FOXO3: variants seen among roughly 807,000 people sequenced by gnomAD.
The protein encoded by FOXO3 is forkhead box protein O3.
In FOXO3, 4 loss-of-function variants were observed where a neutral mutation model predicts 41.9. That is an observed-to-expected ratio of 0.10 (90% CI 0.05 to 0.22). The LOEUF is 0.22. Ranked by LOEUF, FOXO3 falls within the 10% of genes least tolerant of loss-of-function variation. The probability of loss-of-function intolerance (pLI) is 1.00; values close to 1 mark genes in which losing one functional copy is unlikely to be tolerated. For missense variants in FOXO3, 534 were observed against 906.8 expected, an observed-to-expected ratio of 0.59 and a Z score of 5.28; for synonymous variants, 318 against 389.3, an observed-to-expected ratio of 0.82 and a Z score of 2.16.
chr6:108,596,161 C>G (rs1471971320), intron 1 of FOXO3, among the ~76,000 whole-genome samples: 2 of 152,024 alleles, frequency 1.3e-5, no homozygotes, highest in Admixed American at 6.6e-5. Flanking sequence ...TCTTCCCCAT[C>G]CTATTATCCC....
At chr6:108,612,021 A>G (rs1777379359) in intron 1 of FOXO3, among the ~76,000 whole-genome samples, 1 of 152,082 alleles carries the variant, frequency 6.6e-6, no homozygotes, top group Non-Finnish European at 1.5e-5. Flanking sequence ...CTAATACTAC[A>G]TTGGTCTTTA....
rs141627417 is a variant in FOXO3, at chr6:108,670,885, G to A, written c.*34+5996G>A. 9.3e-3 allele frequency among the ~76,000 whole-genome samples: 1,409 copies of A among 152,310 alleles called. 12 individuals are homozygous for A. The highest frequency in any genetic ancestry group is 0.02 in the Middle Eastern group (6 of 294). On this transcript the variant is annotated intron_variant, in intron 2 of 2. Transcript: ENST00000406360. ...AGCTGCCCGGCAAAGTGGTAGGCCC[G>A]TGTTGGTAGAAGTGCTCAAGAAAGG...
intron 1 of FOXO3, among the ~76,000 whole-genome samples, chr6:108,607,165 AT>A (rs1777227761): frequency 6.6e-6 from 1 of 151,364 alleles, no homozygotes; most frequent in South Asian, 2.1e-4. Context: ...GAAGAATAAT[AT>A]TTCAGCTGGG....
At chr6:108,616,061 C>T (rs985376315) in intron 1 of FOXO3, among the ~76,000 whole-genome samples, 1 of 150,614 alleles carries the variant, frequency 6.6e-6, no homozygotes, top group African/African-American at 2.4e-5. Flanking sequence ...AATCTTGGCT[C>T]ATTGCAACCT....
chr6:108,642,898 G>A (rs1012699995), intron 1 of FOXO3, among the ~76,000 whole-genome samples: 1 of 152,294 alleles, frequency 6.6e-6, no homozygotes, highest in East Asian at 1.9e-4. Context: ...TAGTGGTTCC[G>A]TAAAGCTAAT....
chr6:108,577,253 A>T (rs1029036926), intron 1 of FOXO3, among the ~76,000 whole-genome samples: 1 of 151,964 alleles, frequency 6.6e-6, no homozygotes, highest in African/African-American at 2.4e-5. Context: ...TGTTCTTTGG[A>T]CTGTTACCAA....
At chr6:108,670,455 C>G (rs1779186373) in intron 2 of FOXO3, among the ~76,000 whole-genome samples, 1 of 151,120 alleles carries the variant, frequency 6.6e-6, no homozygotes, top group African/African-American at 2.4e-5. Context: ...ACTAGATCCT[C>G]AAGATAGTCA....
intron 1 of FOXO3, among the ~76,000 whole-genome samples, chr6:108,581,513 G>A (rs1464032783): frequency 6.6e-6 from 1 of 152,116 alleles, no homozygotes; most frequent in Non-Finnish European, 1.5e-5. Context: ...TCATTAATGA[G>A]CCTGCTTTAT....
chr6:108,568,582 A>G (rs1193262189), intron 1 of FOXO3, among the ~76,000 whole-genome samples: 1 of 152,194 alleles, frequency 6.6e-6, no homozygotes, highest in South Asian at 2.1e-4. Context: ...TGCCAGACAA[A>G]TAAGTGTTTC....
chr6:108,586,936 ATAT>A (rs143546022), intron 1 of FOXO3, among the ~76,000 whole-genome samples: 26,552 of 133,240 alleles, frequency 0.2, 2,824 homozygotes, highest in Middle Eastern at 0.28. Flanking sequence ...CTGAACGTAA[ATAT>A]TATTATTATT....
At chr6:108,587,985 G>A (rs954488592) in intron 1 of FOXO3, among the ~76,000 whole-genome samples, 10 of 152,132 alleles carry the variant, frequency 6.6e-5, no homozygotes, top group Non-Finnish European at 7.3e-5. Flanking sequence ...TCTGTGTAGC[G>A]TCCTTCCTAA....
chr6:108,576,709 A>G (rs1194670999), intron 1 of FOXO3, among the ~76,000 whole-genome samples: 1 of 152,224 alleles, frequency 6.6e-6, no homozygotes, highest in South Asian at 2.1e-4. Context: ...CTGGATTTTT[A>G]TCTCTGGGCC....
At chr6:108,612,019 A>G (rs1777379236) in intron 1 of FOXO3, among the ~76,000 whole-genome samples, 1 of 152,152 alleles carries the variant, frequency 6.6e-6, no homozygotes, top group Non-Finnish European at 1.5e-5. Flanking sequence ...TACTAATACT[A>G]CATTGGTCTT....
upstream of FOXO3, among the ~76,000 whole-genome samples, chr6:108,560,480 A>G (rs1775739881): frequency 6.6e-6 from 1 of 152,164 alleles, no homozygotes; most frequent in Admixed American, 6.5e-5. Context: ...ATCTGCGCCC[A>G]GACCCCCGTT....
chr6:108,635,038 C>T (rs564200652), intron 1 of FOXO3, among the ~76,000 whole-genome samples: 1 of 151,328 alleles, frequency 6.6e-6, no homozygotes, highest in Admixed American at 6.6e-5. Context: ...GTGGCTCACA[C>T]CTGTAATCCC....
chr6:108,571,648 G>T (rs540639040), intron 1 of FOXO3, among the ~76,000 whole-genome samples: 1 of 152,282 alleles, frequency 6.6e-6, no homozygotes, highest in South Asian at 2.1e-4. Context: ...GCCAGGAGCC[G>T]CCAGAAGCTG....
chr6:108,560,978 G>T lies in FOXO3; in HGVS notation c.-231G>T. 3.0e-6 allele frequency: 4 copies of T among 1,339,592 alleles called. No individual in the cohort carries two copies. In the East Asian group the frequency reaches 9.3e-5, roughly 31 times the overall value. 83.0% of individuals were successfully genotyped at this position (1,339,592 alleles called of 1,614,324 possible). A position where few individuals can be genotyped will look rare whatever the true frequency, so the allele number is the denominator to read the frequency against. Reference sequence around the variant, plus strand: ...TCAGGTCCTCCTGTTCCTGGGAGGCGGGCGCGGCAGGACTGGGAGGTGGCG... The same window carrying T: ...TCAGGTCCTCCTGTTCCTGGGAGGCTGGCGCGGCAGGACTGGGAGGTGGCG... On this transcript the variant is annotated 5_prime_UTR_variant, in exon 1 of 3. Transcript: ENST00000406360.
In FOXO3 at chr6:108,561,104, G is replaced by C. The variant is rs1207998740; in HGVS notation, c.-105G>C. 8 of 1,427,224 alleles carry C rather than the reference G, an allele frequency of 5.6e-6. No homozygotes were observed. The highest frequency in any genetic ancestry group is 2.5e-4 in the Middle Eastern group (1 of 3,956). The allele number at this position is 1,427,224 out of a possible 1,614,324, so 88.4% of individuals were successfully genotyped here. ...TCCCCAGGCGGCGGCGGCGGCGCCC[G>C]GGAGCCGGAGCCTTCGCGGCGTCCA... On this transcript the variant is annotated 5_prime_UTR_variant, in exon 1 of 3. Transcript: ENST00000406360.
intron 1 of FOXO3, among the ~76,000 whole-genome samples, chr6:108,659,440 A>T (rs1778782767): frequency 6.6e-6 from 1 of 152,116 alleles, no homozygotes; most frequent in African/African-American, 2.4e-5. Context: ...AGTTTAGGAA[A>T]CCCAGTGTCA....
Sources: gnomAD v4.1 joint callset for allele counts (sites outside exome capture counted in the v4.1 genomes callset) on GRCh38, gnomAD v4.1.1 for gene constraint, MANE v1.5 for transcripts, NCBI Gene and HGNC (gene_info 2026-07-23, HGNC 2026-07-21) for gene names.